TRIO: variants seen among roughly 807,000 people sequenced by gnomAD.
The protein encoded by TRIO is triple functional domain protein.
TRIO carries 58 observed loss-of-function variants against 351.9 expected under a neutral mutation model. The ratio of observed to expected loss-of-function variants is 0.16; its 90% CI spans 0.13 to 0.21. TRIO has a LOEUF of 0.21. Among genes scored for constraint, TRIO ranks in the 10% least tolerant of loss-of-function variants. The pLI, the probability that TRIO is intolerant of heterozygous loss-of-function variation, is 1.00. For synonymous variants in TRIO, 1,758 were observed against 1,595.7 expected, an observed-to-expected ratio of 1.10 and a Z score of -2.42; for missense variants, 3,201 against 4,027.8, an observed-to-expected ratio of 0.79 and a Z score of 5.56.
chr5:14,220,940 G>A lies in TRIO; in HGVS notation c.158-49885G>A, dbSNP rs569293328. Reference sequence around the variant, plus strand: ...TAGGCAAAACAGCCTTCTATTGGAAGAAGATGCCATCTAGGACTTTCACAG... The same window carrying A: ...TAGGCAAAACAGCCTTCTATTGGAAAAAGATGCCATCTAGGACTTTCACAG... On this transcript the variant is annotated intron_variant, in intron 1 of 56. Transcript: ENST00000344204. 3.3e-4 allele frequency among the ~76,000 whole-genome samples: 51 copies of A among 152,346 alleles called. No homozygotes were observed. In the South Asian group the frequency reaches 7.9e-3, roughly 24 times the overall value.
At chr5:14,502,416 T>G (rs1757360813) in intron 53 of TRIO, among the ~76,000 whole-genome samples, 163 bp from the exon 54 acceptor site, 1 of 152,236 alleles carries the variant, frequency 6.6e-6, no homozygotes, top group African/African-American at 2.4e-5. Flanking sequence ...CCCCAGTGTC[T>G]GTGTGTCCTT....
At chr5:14,385,799 C>G (rs1746491744) in intron 21 of TRIO, among the ~76,000 whole-genome samples, 1 of 152,162 alleles carries the variant, frequency 6.6e-6, no homozygotes, top group African/African-American at 2.4e-5. Context: ...TAGTTTTTAT[C>G]ACACCATTCA....
chr5:14,274,743 T>C (rs944787664), intron 2 of TRIO, among the ~76,000 whole-genome samples: 3 of 152,204 alleles, frequency 2.0e-5, no homozygotes, highest in Admixed American at 6.5e-5. Flanking sequence ...TAAAGACTTA[T>C]TTCAAATGCA....
intron 1 of TRIO, among the ~76,000 whole-genome samples, chr5:14,209,798 A>C (rs529933693): frequency 6.6e-6 from 1 of 152,386 alleles, no homozygotes; most frequent in South Asian, 2.1e-4. Context: ...ATTGGCCCTC[A>C]AGGCAGTATT....
intron 7 of TRIO, among the ~76,000 whole-genome samples, chr5:14,302,676 G>A (rs1738002674): frequency 6.6e-6 from 1 of 152,200 alleles, no homozygotes; most frequent in Non-Finnish European, 1.5e-5. Context: ...CTATTTTAAT[G>A]TCCTAAAAAT....
rs543172848 is a variant in TRIO, at chr5:14,152,253, A to G, written c.157+8371A>G. On this transcript the variant is annotated intron_variant, in intron 1 of 56. Transcript: ENST00000344204. Reference sequence around the variant, plus strand: ...CTTCCCAGCGTTCACTGCCCTTTTCAGTACCAGAGTGATGAAAGCTGGCAT... The same window carrying G: ...CTTCCCAGCGTTCACTGCCCTTTTCGGTACCAGAGTGATGAAAGCTGGCAT... Among the ~76,000 whole-genome samples the G allele has an allele frequency of 7.2e-5, 11 of 152,358 alleles. No homozygotes were observed. The South Asian group carries it at 2.1e-3, about 29-fold the overall frequency.
chr5:14,283,256 G>T (rs1736159050), intron 3 of TRIO, among the ~76,000 whole-genome samples: 1 of 152,126 alleles, frequency 6.6e-6, no homozygotes. Flanking sequence ...GTATGTCTTG[G>T]GGCCTGTGAG....
At chr5:14,427,885 A>G (rs1287864136) in intron 34 of TRIO, among the ~76,000 whole-genome samples, 1 of 152,194 alleles carries the variant, frequency 6.6e-6, no homozygotes, top group African/African-American at 2.4e-5. Flanking sequence ...AGAGCCAGCC[A>G]CACACTGAGC....
At chr5:14,327,129 A>G (rs965023920) in intron 9 of TRIO, among the ~76,000 whole-genome samples, 1 of 152,224 alleles carries the variant, frequency 6.6e-6, no homozygotes, top group Non-Finnish European at 1.5e-5. Flanking sequence ...AAACTTCCTA[A>G]AATACTTGGA....
chr5:14,319,181 T>C (rs939619966), intron 9 of TRIO, among the ~76,000 whole-genome samples: 3 of 152,360 alleles, frequency 2.0e-5, no homozygotes, highest in African/African-American at 2.4e-5. Flanking sequence ...AGAAAGTGTT[T>C]TTTGCAATAC....
chr5:14,465,038 G>C (rs1025409957), intron 36 of TRIO, among the ~76,000 whole-genome samples: 1 of 152,038 alleles, frequency 6.6e-6, no homozygotes, highest in East Asian at 1.9e-4. Context: ...TCTGGTCACC[G>C]CACCCCGTTC....
At chr5:14,219,095 T>C (rs990842583) in intron 1 of TRIO, among the ~76,000 whole-genome samples, 1 of 152,168 alleles carries the variant, frequency 6.6e-6, no homozygotes, top group African/African-American at 2.4e-5. Flanking sequence ...TGGTGTGACA[T>C]TGGTGAATGT....
intron 41 of TRIO, among the ~76,000 whole-genome samples, chr5:14,478,152 A>G (rs1755229311): frequency 6.6e-6 from 1 of 152,228 alleles, no homozygotes. Flanking sequence ...TTCTTGAGAC[A>G]TTTATCAAGT....
chr5:14,349,081 G>A (rs1052676179), intron 11 of TRIO, among the ~76,000 whole-genome samples: 1 of 150,212 alleles, frequency 6.7e-6, no homozygotes, highest in Admixed American at 6.6e-5. Context: ...GTATGCACAT[G>A]AGCATGTGTG....
intron 34 of TRIO, among the ~76,000 whole-genome samples, chr5:14,459,959 C>T (rs27102): frequency 1.1e-4 from 16 of 151,570 alleles, no homozygotes; most frequent in Admixed American, 9.2e-4. Flanking sequence ...TCTGTCGTTC[C>T]GGCTGGAGTG....
At chr5:14,158,285 C>T (rs1281709197) in intron 1 of TRIO, among the ~76,000 whole-genome samples, 2 of 151,898 alleles carry the variant, frequency 1.3e-5, no homozygotes, top group South Asian at 2.1e-4. Context: ...ATTAGCTGAG[C>T]GTGGTGGTGC....
At chr5:14,305,415 G>A (rs761080158) in intron 8 of TRIO, among the ~76,000 whole-genome samples, 1 of 152,170 alleles carries the variant, frequency 6.6e-6, no homozygotes, top group Non-Finnish European at 1.5e-5. Flanking sequence ...GAAGGCGAGG[G>A]GTGTAGAGAG....
chr5:14,400,856 A>G, intron 30 of TRIO, 107 bp from the exon 31 acceptor site: 2 of 945,022 alleles, frequency 2.1e-6, no homozygotes, highest in Admixed American at 2.4e-5. Context: ...TGACGTTCTT[A>G]TAACCTAACA....
chr5:14,259,550 G>A (rs1795223200), intron 1 of TRIO, among the ~76,000 whole-genome samples: 1 of 152,168 alleles, frequency 6.6e-6, no homozygotes, highest in Admixed American at 6.5e-5. Flanking sequence ...TTCTGCTTGA[G>A]AAAAGAGGGT....
Sources: gnomAD v4.1 joint callset for allele counts (sites outside exome capture counted in the v4.1 genomes callset) on GRCh38, gnomAD v4.1.1 for gene constraint, MANE v1.5 for transcripts, NCBI Gene and HGNC (gene_info 2026-07-23, HGNC 2026-07-21) for gene names.